FAM135B: variants seen among roughly 807,000 people sequenced by gnomAD.
The protein encoded by FAM135B is family with sequence similarity 135 member B.
In FAM135B, 43 loss-of-function variants were observed where a neutral mutation model predicts 127.7. The ratio of observed to expected loss-of-function variants is 0.34; its 90% confidence interval spans 0.26 to 0.43. The LOEUF is 0.43. Ranked by LOEUF, FAM135B falls within the 20% of genes least tolerant of loss-of-function variation. FAM135B has a pLI of 1.00. For synonymous variants in FAM135B, 670 were observed against 665.1 expected (o/e 1.01, Z -0.11); for missense variants, 1,558 against 1,725.6 (o/e 0.90, Z 1.72).
intron 2 of FAM135B, among the ~76,000 whole-genome samples, chr8:138,345,415 A>G (rs192415545): frequency 6.6e-6 from 1 of 152,286 alleles, no homozygotes; most frequent in East Asian, 1.9e-4. Context: ...GAGTGCTTGT[A>G]GCAGCAGCAG....
At chr8:138,289,987 T>C (rs1434221462) in intron 3 of FAM135B, among the ~76,000 whole-genome samples, 1 of 152,132 alleles carries the variant, frequency 6.6e-6, no homozygotes, top group East Asian at 1.9e-4. Context: ...AGTTGTCAAA[T>C]CATGCCAGGC....
At chr8:138,258,836 C>CACA (rs1554646347) in intron 4 of FAM135B, among the ~76,000 whole-genome samples, 1 of 144,298 alleles carries the variant, frequency 6.9e-6, no homozygotes, top group African/African-American at 2.6e-5. Context: ...CACACACACA[C>CACA]CATACACACA....
intron 17 of FAM135B, among the ~76,000 whole-genome samples, chr8:138,140,584 A>T (rs950981780): frequency 6.6e-6 from 1 of 152,186 alleles, no homozygotes; most frequent in Non-Finnish European, 1.5e-5. Flanking sequence ...TGATATATTT[A>T]ACCTCCCATA....
chr8:138,222,131 C>T (rs893288232), intron 7 of FAM135B, among the ~76,000 whole-genome samples: 2 of 151,290 alleles, frequency 1.3e-5, no homozygotes, highest in African/African-American at 2.4e-5. Context: ...GACGGGAAGC[C>T]GAGAAAGATG....
intron 19 of FAM135B, among the ~76,000 whole-genome samples, chr8:138,135,168 A>G (rs1200580778): frequency 6.6e-6 from 1 of 152,176 alleles, no homozygotes; most frequent in East Asian, 1.9e-4. Context: ...AGATGGGTTG[A>G]ATTTGGCTTG....
chr8:138,201,855 G>A (rs1485909194), intron 7 of FAM135B, among the ~76,000 whole-genome samples: 7 of 152,184 alleles, frequency 4.6e-5, no homozygotes, highest in Non-Finnish European at 8.8e-5. Flanking sequence ...ACTGAGTGCA[G>A]TGGCTCAGGC....
chr8:138,464,601 G>A (rs1837294477), intron 1 of FAM135B, among the ~76,000 whole-genome samples: 1 of 152,208 alleles, frequency 6.6e-6, no homozygotes, highest in African/African-American at 2.4e-5. Context: ...GAGGAAGACA[G>A]GAGGTTTGCC....
At chr8:138,256,166 G>C (rs906167103) in intron 5 of FAM135B, among the ~76,000 whole-genome samples, 5 of 152,228 alleles carry the variant, frequency 3.3e-5, no homozygotes, top group African/African-American at 1.2e-4. Context: ...GTAGGAAGAA[G>C]AGGTCACAGA....
At chr8:138,144,059 C>G (rs1349171879) in intron 15 of FAM135B, among the ~76,000 whole-genome samples, 3 of 152,258 alleles carry the variant, frequency 2.0e-5, no homozygotes, top group Non-Finnish European at 4.4e-5. Context: ...TGCTTCCCAT[C>G]TAAACCTCAG....
chr8:138,492,083 T>A (rs75941408), intron 1 of FAM135B, among the ~76,000 whole-genome samples: 7,406 of 152,254 alleles, frequency 0.049, 251 homozygotes, highest in Middle Eastern at 0.11. Flanking sequence ...CTGATTTTAG[T>A]TTTATAAAGA....
intron 2 of FAM135B, among the ~76,000 whole-genome samples, chr8:138,357,140 T>C (rs561192354): frequency 2.0e-5 from 3 of 151,782 alleles, no homozygotes; most frequent in East Asian, 4.0e-4. Flanking sequence ...CAATAGAGAA[T>C]AGTTTCCTAA....
intron 3 of FAM135B, among the ~76,000 whole-genome samples, chr8:138,288,967 G>A (rs1416779480): frequency 2.0e-5 from 3 of 152,144 alleles, no homozygotes; most frequent in Non-Finnish European, 2.9e-5. Flanking sequence ...GCCTATGCAG[G>A]CTGGAAGTCT....
intron 1 of FAM135B, among the ~76,000 whole-genome samples, chr8:138,422,919 G>C (rs1406658471): frequency 6.6e-6 from 1 of 152,120 alleles, no homozygotes. Context: ...ATACACCATG[G>C]AATACGATGC....
chr8:138,310,288 C>A (rs1417258242), intron 3 of FAM135B, among the ~76,000 whole-genome samples: 7 of 152,156 alleles, frequency 4.6e-5, no homozygotes, highest in Non-Finnish European at 2.9e-5. Flanking sequence ...ATGGTAAGTT[C>A]TCTTTTTCTG....
chr8:138,240,176 C>A (rs2130336875), intron 7 of FAM135B, among the ~76,000 whole-genome samples: 1 of 152,320 alleles, frequency 6.6e-6, no homozygotes, highest in South Asian at 2.1e-4. Context: ...TAAGTTTCCA[C>A]AAGAGTGAAT....
At chr8:138,161,647 C>T (rs1228060394) in intron 12 of FAM135B, among the ~76,000 whole-genome samples, 2 of 152,170 alleles carry the variant, frequency 1.3e-5, no homozygotes, top group African/African-American at 4.8e-5. Flanking sequence ...AGCATTAAGA[C>T]ATGATGCCTT....
chr8:138,481,086 T>C (rs1436196038), intron 1 of FAM135B, among the ~76,000 whole-genome samples: 1 of 152,210 alleles, frequency 6.6e-6, no homozygotes, highest in Non-Finnish European at 1.5e-5. Flanking sequence ...AGAATTTAAG[T>C]TTGAGGAGAT....
intron 2 of FAM135B, among the ~76,000 whole-genome samples, chr8:138,326,212 T>C (rs1204325985): frequency 6.6e-6 from 1 of 152,160 alleles, no homozygotes; most frequent in Non-Finnish European, 1.5e-5. Flanking sequence ...TTTGCATGAG[T>C]GGCCATGTGT....
At chr8:138,180,253 C>A (rs1044097069) in intron 9 of FAM135B, among the ~76,000 whole-genome samples, 1 of 152,134 alleles carries the variant, frequency 6.6e-6, no homozygotes, top group African/African-American at 2.4e-5. Flanking sequence ...ATCCCAGGCA[C>A]ATGTTTAGAA....
Sources: gnomAD v4.1 joint callset for allele counts (sites outside exome capture counted in the v4.1 genomes callset) on GRCh38, gnomAD v4.1.1 for gene constraint, MANE v1.5 for transcripts, NCBI Gene and HGNC (gene_info 2026-07-23, HGNC 2026-07-21) for gene names.